RAD51B: variants seen among roughly 807,000 people sequenced by gnomAD.
RAD51B encodes DNA repair protein RAD51 homolog 2.
Under a neutral mutation model 42.2 loss-of-function variants are expected in RAD51B, and 38 were observed. That is an observed-to-expected ratio of 0.90 (90% CI 0.70 to 1.18). RAD51B has a LOEUF of 1.18. RAD51B is among the 50% of genes most tolerant of loss of function. The probability of loss-of-function intolerance (pLI) is 0.00; values close to 1 mark genes in which losing one functional copy is unlikely to be tolerated. For missense variants in RAD51B, 373 were observed against 400.7 expected, an observed-to-expected ratio of 0.93 and a Z score of 0.59; for synonymous variants, 154 against 145.2, an observed-to-expected ratio of 1.06 and a Z score of -0.43.
In RAD51B at chr14:68,533,970, G is replaced by T. The variant is rs147907671; in HGVS notation, c.1037-60515G>T. Among the ~76,000 whole-genome samples the T allele has an allele frequency of 3.9e-5, 6 of 152,244 alleles. No individual in the cohort carries two copies. The East Asian group carries it at 1.2e-3, about 29-fold the overall frequency. On this transcript the variant is annotated intron_variant, in intron 10 of 10. Coordinates refer to the RAD51B transcript ENST00000487270. Reference sequence around the variant, plus strand: ...GGCAGTGTTTATAACAGTGGCCCATGGAATTGATCATGGGTAAAGAGAAAA... The same window carrying T: ...GGCAGTGTTTATAACAGTGGCCCATTGAATTGATCATGGGTAAAGAGAAAA...
At chr14:68,238,742 G>T (rs1468969232) in intron 7 of RAD51B, among the ~76,000 whole-genome samples, 2 of 152,370 alleles carry the variant, frequency 1.3e-5, no homozygotes, top group Non-Finnish European at 2.9e-5. Flanking sequence ...GTTGTGGTCT[G>T]TGGAACACCT....
At chr14:68,358,609 A>G (rs953696652) in intron 8 of RAD51B, among the ~76,000 whole-genome samples, 1 of 152,182 alleles carries the variant, frequency 6.6e-6, no homozygotes, top group African/African-American at 2.4e-5. Flanking sequence ...TACTTTGATT[A>G]CTAGTGAGAT....
At chr14:68,112,929 G>A (rs1267821545) in intron 7 of RAD51B, among the ~76,000 whole-genome samples, 1 of 152,046 alleles carries the variant, frequency 6.6e-6, no homozygotes, top group Admixed American at 6.6e-5. Context: ...ATTAGACAGT[G>A]TTTTCCCTAA....
chr14:68,143,021 G>T (rs376273834), intron 7 of RAD51B, among the ~76,000 whole-genome samples: 82 of 146,778 alleles, frequency 5.6e-4, no homozygotes, highest in African/African-American at 1.6e-3. Flanking sequence ...GCGAGGGGGT[G>T]GGGGGGGAGT....
chr14:68,253,434 T>C (rs1169071221), intron 7 of RAD51B, among the ~76,000 whole-genome samples: 1 of 152,240 alleles, frequency 6.6e-6, no homozygotes. Flanking sequence ...TTAATGTGTG[T>C]TTTTGTATTG....
chr14:68,497,148 T>A lies in RAD51B; in HGVS notation c.1036+28898T>A, dbSNP rs377217689. 14 of 1,400,082 alleles carry A rather than the reference T, an allele frequency of 1.0e-5. No homozygotes were observed. In the African/African-American group the frequency reaches 1.1e-4, roughly 11 times the overall value. The allele number at this position is 1,400,082 out of a possible 1,614,324, so 86.7% of individuals were successfully genotyped here. On this transcript the variant is annotated intron_variant, in intron 10 of 10. Coordinates refer to the RAD51B transcript ENST00000487270. ...GCCTATGGAAATTCCTAGAGACAGA[T>A]AAATGTGCAAACCTGTTCATCTTGC...
chr14:67,993,473 CT>C (rs1316828855), intron 7 of RAD51B, among the ~76,000 whole-genome samples: 1 of 152,184 alleles, frequency 6.6e-6, no homozygotes, highest in African/African-American at 2.4e-5. Context: ...GCTTACTTCA[CT>C]TAACATAATG....
At chr14:68,524,184 G>A (rs1241889000) in intron 10 of RAD51B, among the ~76,000 whole-genome samples, 3 of 152,134 alleles carry the variant, frequency 2.0e-5, no homozygotes. Flanking sequence ...CTTCCCAAGG[G>A]CACACATGGC....
intron 5 of RAD51B, among the ~76,000 whole-genome samples, chr14:67,873,479 C>A (rs533436910): frequency 7.4e-5 from 11 of 149,544 alleles, no homozygotes; most frequent in African/African-American, 2.4e-4. Flanking sequence ...AACACTTTTA[C>A]ACTGTTGGTG....
chr14:67,940,183 C>T (rs1333384002), intron 7 of RAD51B, among the ~76,000 whole-genome samples: 1 of 142,218 alleles, frequency 7.0e-6, no homozygotes, highest in Non-Finnish European at 1.5e-5. Context: ...AAGCTATTCT[C>T]GTGTCTCAGC....
chr14:68,077,830 C>T (rs898567074), intron 7 of RAD51B, among the ~76,000 whole-genome samples: 1 of 152,216 alleles, frequency 6.6e-6, no homozygotes, highest in Non-Finnish European at 1.5e-5. Flanking sequence ...GTGGCGCAAG[C>T]CTGTAATCCC....
intron 7 of RAD51B, among the ~76,000 whole-genome samples, chr14:67,955,008 A>G (rs912701132): frequency 6.6e-6 from 1 of 152,118 alleles, no homozygotes; most frequent in Non-Finnish European, 1.5e-5. Context: ...GAGGGAGGAT[A>G]TATCAGACCT....
At chr14:68,113,786 T>C (rs527287833) in intron 7 of RAD51B, 1 of 152,258 alleles carries the variant, frequency 6.6e-6, no homozygotes, top group East Asian at 1.9e-4. Context: ...TTATCTTAAG[T>C]ATGAGCATGC....
chr14:68,610,187 T>C (rs1647090750), intron 10 of RAD51B, among the ~76,000 whole-genome samples: 3 of 152,166 alleles, frequency 2.0e-5, no homozygotes, highest in Admixed American at 2.0e-4. Flanking sequence ...TTTCTGTATT[T>C]CTACCCTCCC....
chr14:68,085,219 G>C (rs2076966450), intron 7 of RAD51B, among the ~76,000 whole-genome samples: 1 of 152,160 alleles, frequency 6.6e-6, no homozygotes, highest in Admixed American at 6.5e-5. Flanking sequence ...TGTCTGTTTT[G>C]TTCCTTATTG....
At chr14:68,122,615 T>A (rs989636526) in intron 7 of RAD51B, among the ~76,000 whole-genome samples, 1 of 152,208 alleles carries the variant, frequency 6.6e-6, no homozygotes, top group Non-Finnish European at 1.5e-5. Flanking sequence ...TAGATACAAC[T>A]TCTGTGAAGG....
downstream of RAD51B, chr14:68,596,129 C>A: frequency 2.5e-6 from 2 of 803,664 alleles, no homozygotes; most frequent in Non-Finnish European, 3.1e-6. Flanking sequence ...CTTTCCACAA[C>A]AGACACTTCT....
At chr14:68,371,600 G>A (rs1209780193) in intron 8 of RAD51B, among the ~76,000 whole-genome samples, 1 of 152,246 alleles carries the variant, frequency 6.6e-6, no homozygotes, top group Non-Finnish European at 1.5e-5. Context: ...CAGCACTTTG[G>A]GAGGCTGAGG....
chr14:67,870,097 A>C (rs933169586), intron 5 of RAD51B, among the ~76,000 whole-genome samples: 1 of 150,584 alleles, frequency 6.6e-6, no homozygotes, highest in African/African-American at 2.4e-5. Context: ...ATTAACTTTA[A>C]ATGTAAATGG....
Sources: gnomAD v4.1 joint callset for allele counts (sites outside exome capture counted in the v4.1 genomes callset) on GRCh38, gnomAD v4.1.1 for gene constraint, MANE v1.5 for transcripts, NCBI Gene and HGNC (gene_info 2026-07-23, HGNC 2026-07-21) for gene names.